NUBPL: variants seen among roughly 807,000 people sequenced by gnomAD.
NUBPL encodes the protein iron-sulfur cluster transfer protein NUBPL.
A neutral mutation model predicts 45.7 loss-of-function variants in NUBPL; 31 were observed. The ratio of observed to expected loss-of-function variants is 0.68; its 90% CI spans 0.51 to 0.92. The LOEUF is 0.92. Ranked by LOEUF, NUBPL falls within the 40% of genes least tolerant of loss-of-function variation. NUBPL has a pLI of 0.00. For synonymous variants in NUBPL, 144 were observed against 140.9 expected (o/e 1.02, Z -0.15); for missense variants, 401 against 398.7 (o/e 1.01, Z -0.05).
chr14:31,857,198 G>A lies in NUBPL; in HGVS notation c.898-1920G>A, dbSNP rs186320395. On this transcript the variant is annotated intron_variant, in intron 10 of 10. Coordinates refer to ENST00000281081, the MANE Select transcript of NUBPL (RefSeq NM_025152.3). ...TGGAAGCTGCCAAGGCTTGAGGCTC[G>A]CTTCACCCTCTGAAGCCATGGCCTG... Among the ~76,000 whole-genome samples, 483 of 152,250 alleles carry A rather than the reference G, an allele frequency of 3.2e-3. 4 individuals are homozygous for A. Among genetic ancestry groups the A allele is most frequent in the African/African-American group, 0.011 (438 of 41,542 alleles).
intron 4 of NUBPL, among the ~76,000 whole-genome samples, chr14:31,649,133 T>G (rs1474241337): frequency 1.3e-5 from 2 of 152,204 alleles, no homozygotes; most frequent in Non-Finnish European, 2.9e-5. Context: ...TTTACTTCAC[T>G]GTTACACAAT....
Position 31,639,919 on chromosome 14 carries a change from G to A in NUBPL, c.383-33436G>A, listed in dbSNP as rs367824798. Among the ~76,000 whole-genome samples, 265 of 152,264 alleles carry A rather than the reference G, an allele frequency of 1.7e-3. 1 individual carries two copies. The highest frequency in any genetic ancestry group is 2.9e-3 in the Non-Finnish European group (198 of 68,016). ...GCGGGATATAATCTCCTGATGCGCC[G>A]TTTTTTAAGCCCGTTGGAAAAGCGC... On this transcript the variant is annotated intron_variant, in intron 4 of 10. Transcript: ENST00000281081.
intron 6 of NUBPL, among the ~76,000 whole-genome samples, chr14:31,738,467 T>C (rs1845888548): frequency 6.6e-6 from 1 of 152,236 alleles, no homozygotes; most frequent in Non-Finnish European, 1.5e-5. Context: ...CCAGCTGTTT[T>C]ATTTTATACT....
intron 4 of NUBPL, among the ~76,000 whole-genome samples, chr14:31,640,614 CAA>C (rs59871107): frequency 1.0e-3 from 99 of 97,004 alleles, no homozygotes; most frequent in East Asian, 9.5e-4. Context: ...GACTCTGTCT[CAA>C]AAAAAAAAAA....
intron 2 of NUBPL, among the ~76,000 whole-genome samples, chr14:31,562,489 T>C (rs1000857868): frequency 1.3e-5 from 2 of 152,212 alleles, no homozygotes; most frequent in Non-Finnish European, 2.9e-5. Flanking sequence ...TGGAGATAAC[T>C]TCTTTCATAA....
chr14:31,628,730 C>A (rs1453325670), intron 4 of NUBPL, among the ~76,000 whole-genome samples: 3 of 152,066 alleles, frequency 2.0e-5, no homozygotes, highest in Admixed American at 1.3e-4. Context: ...GGCTTTTCTT[C>A]GAGGTAGCTA....
intron 6 of NUBPL, among the ~76,000 whole-genome samples, chr14:31,680,258 A>G (rs977035663): frequency 6.6e-6 from 1 of 152,112 alleles, no homozygotes; most frequent in Non-Finnish European, 1.5e-5. Flanking sequence ...ACTTACTGCC[A>G]GTATAATGTT....
intron 3 of NUBPL, among the ~76,000 whole-genome samples, chr14:31,578,441 A>G (rs1470828309): frequency 1.3e-5 from 2 of 152,192 alleles, no homozygotes; most frequent in Non-Finnish European, 2.9e-5. Flanking sequence ...TCTGGTCAGG[A>G]ATGTGTGATG....
intron 6 of NUBPL, among the ~76,000 whole-genome samples, chr14:31,745,443 G>A (rs1181883039): frequency 1.3e-5 from 2 of 152,006 alleles, no homozygotes. Context: ...TCTTAATCCA[G>A]TCTATCATTG....
chr14:31,638,214 C>T (rs553939909), intron 4 of NUBPL, among the ~76,000 whole-genome samples: 3 of 152,170 alleles, frequency 2.0e-5, no homozygotes, highest in East Asian at 1.9e-4. Flanking sequence ...CATGATTTTG[C>T]AGCAGCTAGT....
chr14:31,628,596 G>T (rs569193256), intron 4 of NUBPL, among the ~76,000 whole-genome samples: 1 of 152,134 alleles, frequency 6.6e-6, no homozygotes, highest in African/African-American at 2.4e-5. Flanking sequence ...ATTTTATTTT[G>T]TATGCTAAAT....
chr14:31,801,965 G>T (rs891951878), intron 7 of NUBPL, among the ~76,000 whole-genome samples: 1 of 152,154 alleles, frequency 6.6e-6, no homozygotes, highest in Non-Finnish European at 1.5e-5. Flanking sequence ...AAGAAAAGTT[G>T]CCCTAACAGT....
intron 4 of NUBPL, among the ~76,000 whole-genome samples, chr14:31,625,125 A>G (rs993869931): frequency 1.3e-5 from 2 of 152,204 alleles, no homozygotes; most frequent in African/African-American, 4.8e-5. Context: ...GAGAAAGGGT[A>G]TGAAGAGGTG....
intron 4 of NUBPL, among the ~76,000 whole-genome samples, chr14:31,670,324 GTTGT>G (rs1173905215): frequency 1.3e-5 from 2 of 152,028 alleles, no homozygotes; most frequent in African/African-American, 2.4e-5. Flanking sequence ...TTTTAATGGG[GTTGT>G]TTTTCTCTTC....
chr14:31,594,479 T>C (rs1040499639), intron 3 of NUBPL, among the ~76,000 whole-genome samples: 1 of 152,234 alleles, frequency 6.6e-6, no homozygotes, highest in Admixed American at 6.5e-5. Context: ...TGAGAGCAGT[T>C]ATAAATATTT....
At chr14:31,594,660 CT>C (rs2034235959) in intron 3 of NUBPL, among the ~76,000 whole-genome samples, 1 of 152,106 alleles carries the variant, frequency 6.6e-6, no homozygotes, top group African/African-American at 2.4e-5. Flanking sequence ...CTCTTATCAC[CT>C]TGTTAACCAT....
At chr14:31,726,418 G>C (rs564670195) in intron 6 of NUBPL, among the ~76,000 whole-genome samples, 1 of 152,122 alleles carries the variant, frequency 6.6e-6, no homozygotes, top group Non-Finnish European at 1.5e-5. Context: ...GGTTATTTTG[G>C]CTCATAAAAA....
intron 4 of NUBPL, among the ~76,000 whole-genome samples, chr14:31,605,644 C>T (rs1481189707): frequency 6.6e-6 from 1 of 152,134 alleles, no homozygotes. Flanking sequence ...TCAGCTTGAG[C>T]AAATGACCTT....
At chr14:31,598,856 T>C (rs1014486761) in intron 3 of NUBPL, among the ~76,000 whole-genome samples, 5 of 152,206 alleles carry the variant, frequency 3.3e-5, no homozygotes, top group Admixed American at 2.6e-4. Flanking sequence ...TTGTCTTCTT[T>C]GGTGTGTTAG....
Sources: gnomAD v4.1 joint callset for allele counts (sites outside exome capture counted in the v4.1 genomes callset) on GRCh38, gnomAD v4.1.1 for gene constraint, MANE v1.5 for transcripts, NCBI Gene and HGNC (gene_info 2026-07-23, HGNC 2026-07-21) for gene names.